The following CD44 variants were observed in gnomAD, a reference collection of about 807,000 sequenced individuals.
The protein encoded by CD44 is CD44 antigen.
In CD44, 49 loss-of-function variants were observed where a neutral mutation model predicts 88.8. That is an observed-to-expected ratio of 0.55 (90% CI 0.44 to 0.70). The LOEUF (loss-of-function observed/expected upper bound fraction) is 0.70. Among genes scored for constraint, CD44 ranks in the 30% least tolerant of loss-of-function variants. The pLI, the probability that CD44 is intolerant of heterozygous loss-of-function variation, is 0.00. For synonymous variants in CD44, 325 were observed against 312.3 expected (o/e 1.04, Z -0.43); for missense variants, 883 against 913.8 (o/e 0.97, Z 0.43).
At chr11:35,211,176 C>A in intron 13 of CD44, 70 bp from the exon 14 acceptor site, 1 of 1,183,084 alleles carries the variant, frequency 8.5e-7, no homozygotes, top group Non-Finnish European at 1.3e-6. Flanking sequence ...ATTGTGTGTT[C>A]TGGAGACAAG....
At position 35,211,435 on chromosome 11, in the gene CD44, A is replaced by T; in HGVS notation, c.1796A>T (p.Asn599Ile). ...VTVGDSNSNV[N>I]RSLSGDQDTF... ...GTTGGAGATTCCAACTCTAATGTCA[A>T]TCGTTCCTTATCAGGTAATTTGGCA... is the stretch of plus-strand genomic sequence containing the variant. Residue 599 changes from asparagine to isoleucine, a missense_variant, in exon 14 of 18, where the codon AAT becomes ATT. Physicochemically the swap from Asn to Ile is moderately radical, Grantham distance 149. This residue lies in a region of CD44 where 631 missense variants were observed against 590.9 expected (regional missense o/e 1.07). Coordinates refer to ENST00000428726, the MANE Select transcript of CD44 (RefSeq NM_000610.4). 1 of 1,613,232 alleles carries T rather than the reference A, an allele frequency of 6.2e-7. No homozygotes were observed. The highest frequency in any genetic ancestry group is 8.5e-7 in the Non-Finnish European group (1 of 1,179,284).
At position 35,198,447 on chromosome 11, in the gene CD44, C is replaced by G. The variant is rs1946973021; in HGVS notation, c.922+201C>G. The G allele has an allele frequency of 1.1e-5, 6 of 532,258 alleles. No individual in the cohort carries two copies. The East Asian group carries it at 1.8e-4, about 16-fold the overall frequency. 33.0% of individuals were successfully genotyped at this position (532,258 alleles called of 1,614,324 possible). A position where few individuals can be genotyped will look rare whatever the true frequency, so the allele number is the denominator to read the frequency against. ...GTGGGGAAAATATCTCACAAAATTT[C>G]TCTTGTCTCATGTTCTTCCTGTTTT... is the stretch of plus-strand genomic sequence containing the variant. On this transcript the variant is annotated intron_variant, in intron 7 of 17. Coordinates refer to ENST00000428726, the MANE Select transcript of CD44 (RefSeq NM_000610.4).
At chr11:35,146,140 C>T (rs1859106624) in intron 1 of CD44, among the ~76,000 whole-genome samples, 2 of 152,162 alleles carry the variant, frequency 1.3e-5, no homozygotes, top group African/African-American at 4.8e-5. Flanking sequence ...TGGGTGTGTC[C>T]TCCTGAGGTA....
At chr11:35,205,812 A>C in intron 10 of CD44, 1 of 1,030,318 alleles carries the variant, frequency 9.7e-7, no homozygotes. Flanking sequence ...GCATGGGTCA[A>C]GAAGTACTTC....
intron 1 of CD44, among the ~76,000 whole-genome samples, chr11:35,151,774 C>A (rs1416205218): frequency 6.6e-6 from 1 of 152,226 alleles, no homozygotes; most frequent in African/African-American, 2.4e-5. Flanking sequence ...ACTATAGACT[C>A]TATCTCCTTC....
At chr11:35,224,731 TCAAACAAACAAGCAAA>T (rs1231684548) in intron 17 of CD44, among the ~76,000 whole-genome samples, 1 of 152,088 alleles carries the variant, frequency 6.6e-6, no homozygotes, top group Non-Finnish European at 1.5e-5. Flanking sequence ...AGACCCTGTC[TCAAACAAACAAGCAAA>T]CAAACAAACA....
chr11:35,142,682 T>A (rs1590853504), intron 1 of CD44, among the ~76,000 whole-genome samples: 1 of 152,220 alleles, frequency 6.6e-6, no homozygotes, highest in Non-Finnish European at 1.5e-5. Context: ...ATTGGACATC[T>A]ACTTGCTGCA....
chr11:35,153,937 A>C (rs1332255792), intron 1 of CD44, among the ~76,000 whole-genome samples: 1 of 152,188 alleles, frequency 6.6e-6, no homozygotes, highest in African/African-American at 2.4e-5. Flanking sequence ...AGCAAGAAAA[A>C]AAATTTTACT....
chr11:35,148,944 C>T (rs990446382), intron 1 of CD44, among the ~76,000 whole-genome samples: 2 of 152,148 alleles, frequency 1.3e-5, no homozygotes, highest in African/African-American at 4.8e-5. Context: ...GATCCTCAAC[C>T]CGCCTCCTCC....
At chr11:35,227,941 G>C (rs1248658630) in intron 17 of CD44, among the ~76,000 whole-genome samples, 1 of 152,192 alleles carries the variant, frequency 6.6e-6, no homozygotes, top group Admixed American at 6.5e-5. Context: ...TTCCATTGCT[G>C]TATTATGGGA....
intron 10 of CD44, among the ~76,000 whole-genome samples, chr11:35,205,261 A>G (rs1035104773): frequency 1.3e-5 from 2 of 152,220 alleles, no homozygotes; most frequent in Admixed American, 6.5e-5. Context: ...GCAAGCTCCC[A>G]TGCAGGATTC....
chr11:35,192,871 C>T (rs1456293667), intron 5 of CD44, among the ~76,000 whole-genome samples: 1 of 144,454 alleles, frequency 6.9e-6, no homozygotes, highest in Admixed American at 7.1e-5. Context: ...TAGGCAGTAG[C>T]TTTTTCCATT....
In CD44 at chr11:35,232,247, T is replaced by C. The variant is rs566181907; in HGVS notation, c.*2914T>C. 8 of 152,814 alleles carry C rather than the reference T, an allele frequency of 5.2e-5. No individual in the cohort carries two copies. Among genetic ancestry groups the C allele is most frequent in the African/African-American group, 1.7e-4 (7 of 41,588 alleles). The allele number at this position is 152,814 out of a possible 1,614,324, so 9.5% of individuals were successfully genotyped here. ...TGCTGTACAATGACCACTGTTATTG[T>C]TACTTTGACTTTTCAGAGCACACCC... is the stretch of plus-strand genomic sequence containing the variant. On this transcript the variant is annotated 3_prime_UTR_variant, in exon 18 of 18. Coordinates refer to ENST00000428726, the MANE Select transcript of CD44 (RefSeq NM_000610.4).
chr11:35,195,889 TG>T (rs1449714913), intron 5 of CD44, among the ~76,000 whole-genome samples: 2 of 152,150 alleles, frequency 1.3e-5, no homozygotes, highest in African/African-American at 4.8e-5. Context: ...GAAATTACCT[TG>T]GGCAAGGTTG....
At chr11:35,182,969 G>A (rs117985622) in intron 3 of CD44, among the ~76,000 whole-genome samples, 637 of 152,274 alleles carry the variant, frequency 4.2e-3, no homozygotes, top group Admixed American at 7.7e-3. Context: ...ACTGAGACTT[G>A]TTTCTATCCT....
At chr11:35,157,553 CCTAT>C (rs1177232237) in intron 1 of CD44, among the ~76,000 whole-genome samples, 3 of 151,954 alleles carry the variant, frequency 2.0e-5, no homozygotes, top group African/African-American at 7.3e-5. Context: ...CATCTTTTAA[CCTAT>C]CTGTTTCTAT....
chr11:35,229,303 G>C lies in CD44; in HGVS notation c.2199G>C (p.Leu733=). ...QFMTADETRN[L]QNVDMKIGV ...TGACAGCTGATGAGACAAGGAACCT[G>C]CAGAATGTGGACATGAAGATTGGGG... is the stretch of plus-strand genomic sequence containing the variant. The change falls in exon 18 of 18, where the codon CTG becomes CTC. Residue 733 remains leucine (L), a synonymous_variant. Transcript: ENST00000428726. 6.2e-7 allele frequency: 1 copy of C among 1,613,400 alleles called. No individual in the cohort carries two copies. Among genetic ancestry groups the C allele is most frequent in the Non-Finnish European group, 8.5e-7 (1 of 1,179,394 alleles).
rs1192665841 is a variant in CD44, at chr11:35,229,374, CAT to C, written c.*43_*44del. 5.3e-6 allele frequency: 7 copies of C among 1,324,572 alleles called. No individual in the cohort carries two copies. Among genetic ancestry groups the C allele is most frequent in the Non-Finnish European group, 7.6e-6 (7 of 921,892 alleles). The allele number at this position is 1,324,572 out of a possible 1,614,324, so 82.1% of individuals were successfully genotyped here. ...CTTGGAAAGAAACAACCGTTGGAAACATAACCATTACAGGGAGCTGGGACACT... is the reference window on the plus strand; with the variant it reads ...CTTGGAAAGAAACAACCGTTGGAAACAACCATTACAGGGAGCTGGGACACT... On this transcript the variant is annotated 3_prime_UTR_variant, in exon 18 of 18. Coordinates refer to ENST00000428726, the MANE Select transcript of CD44 (RefSeq NM_000610.4).
intron 1 of CD44, among the ~76,000 whole-genome samples, chr11:35,147,187 C>T (rs181950769): frequency 6.6e-6 from 1 of 152,308 alleles, no homozygotes; most frequent in East Asian, 1.9e-4. Context: ...AGAACTTTGA[C>T]TGGGAAATGA....
Sources: allele counts gnomAD v4.1 joint callset (sites outside exome capture counted in the v4.1 genomes callset), GRCh38; gene constraint gnomAD v4.1.1; regional missense constraint gnomAD v4.1.1; transcripts MANE v1.5; gene names NCBI Gene and HGNC (gene_info 2026-07-23, HGNC 2026-07-21).